Variants in DPH6 observed in about 807,000 individuals in gnomAD.
DPH6 encodes diphthamine biosynthesis 6, also known as diphthine--ammonia ligase.
DPH6 carries 33 observed loss-of-function variants against 38.2 expected under a neutral mutation model. That is an observed-to-expected ratio of 0.86 (90% confidence interval 0.65 to 1.15). The LOEUF (loss-of-function observed/expected upper bound fraction) is 1.15, where lower values mean the gene tolerates loss of function less well. DPH6 is among the 50% of genes most tolerant of loss of function. DPH6 has a pLI of 0.00. For missense variants in DPH6, 325 were observed against 320.0 expected (o/e 1.02, Z -0.12); for synonymous variants, 108 against 103.0 (o/e 1.05, Z -0.30).
intron 3 of DPH6, among the ~76,000 whole-genome samples, chr15:35,332,038 C>T (rs888541603): frequency 6.6e-6 from 1 of 152,162 alleles, no homozygotes; most frequent in East Asian, 1.9e-4. Context: ...AATGGGAGGA[C>T]AAAAATCCTG....
chr15:35,546,052 C>A, intron 1 of DPH6, 67 bp downstream of exon 1: 3 of 1,293,214 alleles, frequency 2.3e-6, no homozygotes, highest in Non-Finnish European at 3.0e-6. Flanking sequence ...TCTTTCGGCG[C>A]TAGCGGCGGC....
intron 5 of DPH6, among the ~76,000 whole-genome samples, chr15:35,418,361 A>C (rs894020366): frequency 1.6e-4 from 24 of 152,166 alleles, no homozygotes; most frequent in Admixed American, 6.6e-4. Flanking sequence ...ATACATGAAT[A>C]TATTACTTTG....
At chr15:35,435,066 G>A (rs2053680115) in intron 5 of DPH6, among the ~76,000 whole-genome samples, 1 of 151,850 alleles carries the variant, frequency 6.6e-6, no homozygotes, top group South Asian at 2.1e-4. Flanking sequence ...GAGCCACTAT[G>A]CCTGGTCACT....
intron 3 of DPH6, among the ~76,000 whole-genome samples, chr15:35,262,444 C>T (rs1487639970): frequency 3.9e-5 from 6 of 151,990 alleles, no homozygotes; most frequent in East Asian, 1.9e-4. Flanking sequence ...CAGTGGCTCA[C>T]GCCTGTAATC....
At chr15:35,268,839 T>C (rs1018812375) in intron 3 of DPH6, among the ~76,000 whole-genome samples, 6 of 151,236 alleles carry the variant, frequency 4.0e-5, no homozygotes, top group African/African-American at 1.5e-4. Context: ...GAAAATCAGA[T>C]AGGAAAAACA....
chr15:35,357,680 G>A (rs2052576621), intron 3 of DPH6, among the ~76,000 whole-genome samples: 1 of 152,164 alleles, frequency 6.6e-6, no homozygotes. Flanking sequence ...GCTGATAACT[G>A]TTTTGTTTGA....
rs1169232236 is a variant in DPH6, at chr15:35,268,032, TG to T, written n.201-47451del. Among the ~76,000 whole-genome samples, 9 of 152,048 alleles carry T rather than the reference TG, an allele frequency of 5.9e-5. No individual in the cohort carries two copies. The South Asian group carries it at 1.9e-3, about 32-fold the overall frequency. On this transcript the variant is annotated intron_variant and non_coding_transcript_variant, in intron 3 of 3. Transcript: ENST00000560386. ...AAAAATACAAAATATTAGCCGGGCG[TG>T]GTGGCAGGCGCCTGTAGTCCCTGCT...
Position 35,450,744 on chromosome 15 carries a change from A to AGG in DPH6, c.445_446insCC (p.Leu149SerfsTer6). On this transcript the variant is annotated frameshift_variant, in exon 5 of 9. Transcript: ENST00000256538. LOFTEE classifies it high-confidence loss of function. The stretch of plus-strand genomic sequence containing the variant: ...GTTAGATGATATCATCTCTCTGAGC[A>AGG]AATCTTCCTGGTTTCTCTGCCAAAG... The AGG allele has an allele frequency of 6.2e-7, 1 of 1,613,326 alleles. No individual in the cohort carries two copies. The highest frequency in any genetic ancestry group is 8.5e-7 in the Non-Finnish European group (1 of 1,179,688).
chr15:35,469,433 C>A (rs529802682), intron 3 of DPH6, among the ~76,000 whole-genome samples: 118 of 151,942 alleles, frequency 7.8e-4, no homozygotes, highest in Admixed American at 1.3e-3. Flanking sequence ...AAGCAAGGAA[C>A]CCTAAAGAAA....
intron 3 of DPH6, chr15:35,521,305 A>C: frequency 2.0e-6 from 2 of 992,722 alleles, no homozygotes; most frequent in Non-Finnish European, 2.4e-6. Context: ...CCTGTAATTC[A>C]CTAAACATAA....
At chr15:35,267,652 C>T (rs190325520) in intron 3 of DPH6, among the ~76,000 whole-genome samples, 6 of 152,250 alleles carry the variant, frequency 3.9e-5, no homozygotes, top group African/African-American at 1.4e-4. Context: ...CGAGAATAGC[C>T]TGATGGTTTC....
chr15:35,328,052 T>TGG (rs1215507580), downstream of DPH6, among the ~76,000 whole-genome samples: 6 of 152,162 alleles, frequency 3.9e-5, no homozygotes, highest in Admixed American at 3.9e-4. Flanking sequence ...TCACTCATCT[T>TGG]CACTGCAACA....
intron 3 of DPH6, among the ~76,000 whole-genome samples, chr15:35,476,419 C>CT: frequency 6.6e-6 from 1 of 151,714 alleles, no homozygotes; most frequent in Middle Eastern, 3.2e-3. Context: ...TATGGTCTCA[C>CT]TTTTTATAAA....
In DPH6 at chr15:35,414,466, G is replaced by GGCA. The variant is rs2053411088; in HGVS notation, c.506-3573_506-3571dup. Among the ~76,000 whole-genome samples, 7 of 151,768 alleles carry GGCA rather than the reference G, an allele frequency of 4.6e-5. No homozygotes were observed. In the South Asian group the frequency reaches 1.5e-3, roughly 32 times the overall value. On this transcript the variant is annotated intron_variant, in intron 5 of 8. Transcript: ENST00000256538. Reference sequence around the variant, plus strand: ...TTGCAATCTTAATTCAATATGTCTAGGCACATGTTTATTTTAATTAGTACT... The same window carrying GGCA: ...TTGCAATCTTAATTCAATATGTCTAGGCAGCACATGTTTATTTTAATTAGTACT...
intron 5 of DPH6, among the ~76,000 whole-genome samples, chr15:35,423,190 G>T (rs943820128): frequency 6.6e-6 from 1 of 151,554 alleles, no homozygotes; most frequent in Non-Finnish European, 1.5e-5. Context: ...AGTATACAAG[G>T]GTTCCCTTTT....
chr15:35,226,568 A>G (rs2051483078), intron 3 of DPH6, among the ~76,000 whole-genome samples: 1 of 152,174 alleles, frequency 6.6e-6, no homozygotes, highest in South Asian at 2.1e-4. Flanking sequence ...GACTGAAGAA[A>G]CCTGGGATAC....
chr15:35,448,984 A>ATTTTTTTT (rs372406775), intron 5 of DPH6, among the ~76,000 whole-genome samples: 1 of 136,586 alleles, frequency 7.3e-6, no homozygotes. Flanking sequence ...TTATTGTCTC[A>ATTTTTTTT]TTTTTTTTTT....
At chr15:35,427,071 G>A (rs1419199644) in intron 5 of DPH6, among the ~76,000 whole-genome samples, 1 of 151,798 alleles carries the variant, frequency 6.6e-6, no homozygotes, top group African/African-American at 2.4e-5. Context: ...ACCATGAGTG[G>A]TAGGACTAAC....
At chr15:35,456,473 ATTTATT>A (rs2053998470) in intron 3 of DPH6, among the ~76,000 whole-genome samples, 1 of 87,362 alleles carries the variant, frequency 1.1e-5, no homozygotes, top group Non-Finnish European at 3.0e-5. Context: ...ATATATATAT[ATTTATT>A]TATTTATTTA....
Sources: gnomAD v4.1 joint callset for allele counts (sites outside exome capture counted in the v4.1 genomes callset) on GRCh38, gnomAD v4.1.1 for gene constraint, MANE v1.5 for transcripts, NCBI Gene and HGNC (gene_info 2026-07-23, HGNC 2026-07-21) for gene names.